PPFIA2: variants seen among roughly 807,000 people sequenced by gnomAD.
The protein encoded by PPFIA2 is liprin-alpha-2.
PPFIA2 carries 46 observed loss-of-function variants against 175.5 expected under a neutral mutation model. That is an observed-to-expected ratio of 0.26 (90% CI 0.21 to 0.34). The LOEUF (loss-of-function observed/expected upper bound fraction) is 0.34. Ranked by LOEUF, PPFIA2 falls within the 10% of genes least tolerant of loss-of-function variation. The pLI, the probability that PPFIA2 is intolerant of heterozygous loss-of-function variation, is 1.00. For synonymous variants in PPFIA2, 568 were observed against 511.4 expected, an observed-to-expected ratio of 1.11 and a Z score of -1.49; for missense variants, 1,179 against 1,506.1, an observed-to-expected ratio of 0.78 and a Z score of 3.60.
At chr12:81,675,180 T>C (rs576442590) in intron 4 of PPFIA2, among the ~76,000 whole-genome samples, 1 of 149,942 alleles carries the variant, frequency 6.7e-6, no homozygotes, top group Non-Finnish European at 1.5e-5. Context: ...CATATATAGA[T>C]TGATATACTA....
intron 4 of PPFIA2, among the ~76,000 whole-genome samples, chr12:81,539,413 G>A (rs2065883602): frequency 6.6e-6 from 1 of 151,894 alleles, no homozygotes; most frequent in Admixed American, 6.6e-5. Flanking sequence ...TAGGATGTCT[G>A]GAGAGGAAAA....
At chr12:81,261,813 C>A in intron 32 of PPFIA2, 136 bp downstream of exon 32, 2 of 575,812 alleles carry the variant, frequency 3.5e-6, no homozygotes, top group South Asian at 2.3e-5. Context: ...TTCTTTTTCC[C>A]CTGAAGCAAT....
At chr12:81,327,429 G>A (rs1367604873) in intron 21 of PPFIA2, among the ~76,000 whole-genome samples, 1 of 152,014 alleles carries the variant, frequency 6.6e-6, no homozygotes, top group Non-Finnish European at 1.5e-5. Context: ...TACAGTGAGT[G>A]CATATTTTCA....
At chr12:81,694,010 T>C (rs769194432) in intron 3 of PPFIA2, among the ~76,000 whole-genome samples, 2 of 152,034 alleles carry the variant, frequency 1.3e-5, no homozygotes, top group African/African-American at 2.4e-5. Flanking sequence ...TGGCTACTTT[T>C]AATAGCCTAT....
chr12:81,758,636 A>T (rs2085059593), intron 1 of PPFIA2, 129 bp from the exon 2 acceptor site: 1 of 338,666 alleles, frequency 3.0e-6, no homozygotes, highest in Non-Finnish European at 5.9e-6. Flanking sequence ...CCAAAAGGAG[A>T]AGCGTCCATC....
chr12:81,738,784 A>G (rs910632673), intron 3 of PPFIA2, among the ~76,000 whole-genome samples: 2 of 151,968 alleles, frequency 1.3e-5, no homozygotes, highest in African/African-American at 4.8e-5. Context: ...TAATTTAAAG[A>G]GAAAGATTAT....
chr12:81,604,305 C>T (rs955388070), intron 4 of PPFIA2, among the ~76,000 whole-genome samples: 1 of 151,542 alleles, frequency 6.6e-6, no homozygotes, highest in East Asian at 1.9e-4. Flanking sequence ...TAAGAGGTAA[C>T]TGTGCTAGGT....
At chr12:81,753,947 G>A in intron 3 of PPFIA2, 26 bp downstream of exon 3, 2 of 1,610,586 alleles carry the variant, frequency 1.2e-6, no homozygotes, top group Non-Finnish European at 1.7e-6. Flanking sequence ...TACAATAGGA[G>A]AAACAAAGGC....
intron 28 of PPFIA2, chr12:81,270,692 A>G (rs930782872): frequency 7.9e-5 from 12 of 152,300 alleles, no homozygotes; most frequent in Middle Eastern, 3.4e-3. Context: ...TGGAACTTCT[A>G]GTGTGTAAAA....
intron 4 of PPFIA2, among the ~76,000 whole-genome samples, chr12:81,534,802 C>A (rs958195163): frequency 6.6e-6 from 1 of 151,552 alleles, no homozygotes; most frequent in East Asian, 1.9e-4. Context: ...AGGAGGGAAG[C>A]AAGAAGATGA....
chr12:81,411,670 G>A (rs969935969), intron 7 of PPFIA2, among the ~76,000 whole-genome samples: 7 of 151,926 alleles, frequency 4.6e-5, no homozygotes, highest in African/African-American at 1.2e-4. Context: ...GTTTTTCTTT[G>A]ATATCCTGGA....
At chr12:81,556,432 T>C (rs73141629) in intron 4 of PPFIA2, among the ~76,000 whole-genome samples, 6 of 151,990 alleles carry the variant, frequency 3.9e-5, no homozygotes, top group Admixed American at 6.6e-5. Flanking sequence ...CTACAGAATG[T>C]CTTACCCTTT....
intron 4 of PPFIA2, among the ~76,000 whole-genome samples, chr12:81,468,839 T>C (rs1185155405): frequency 2.0e-5 from 3 of 150,986 alleles, no homozygotes; most frequent in Non-Finnish European, 4.4e-5. Context: ...GCTCAGAAAA[T>C]AGCACTTTGT....
intron 4 of PPFIA2, among the ~76,000 whole-genome samples, chr12:81,664,787 C>T (rs1288262675): frequency 1.3e-5 from 2 of 152,012 alleles, no homozygotes; most frequent in South Asian, 2.1e-4. Context: ...GGAACCAACC[C>T]GAATGTCCAA....
intron 3 of PPFIA2, among the ~76,000 whole-genome samples, chr12:81,696,995 TA>T (rs2075971884): frequency 6.6e-6 from 1 of 152,102 alleles, no homozygotes; most frequent in Admixed American, 6.6e-5. Context: ...ATATTAATCT[TA>T]AACTCAGGTT....
chr12:81,319,572 G>A (rs938497760), intron 22 of PPFIA2, among the ~76,000 whole-genome samples: 10 of 151,886 alleles, frequency 6.6e-5, no homozygotes, highest in East Asian at 5.8e-4. Context: ...ATTAGTTGCC[G>A]AGGAATTTTC....
At chr12:81,614,992 C>G (rs147937648) in intron 4 of PPFIA2, among the ~76,000 whole-genome samples, 1 of 152,112 alleles carries the variant, frequency 6.6e-6, no homozygotes, top group African/African-American at 2.4e-5. Context: ...AAAATTACAT[C>G]TTGGTACTGC....
Position 81,492,796 on chromosome 12 carries a change from G to A in PPFIA2, c.304-34930C>T, listed in dbSNP as rs575752262. On this transcript the variant is annotated intron_variant, in intron 4 of 32. Transcript: ENST00000549396. ...GACATGGTCAGATTTCTGTATAAATGTAATCCTTTCAGCTGCTATTTGAGG... is the reference window on the plus strand; with the variant it reads ...GACATGGTCAGATTTCTGTATAAATATAATCCTTTCAGCTGCTATTTGAGG... 5.3e-5 allele frequency among the ~76,000 whole-genome samples: 8 copies of A among 152,172 alleles called. No homozygotes were observed. The South Asian group carries it at 1.7e-3, about 32-fold the overall frequency.
intron 7 of PPFIA2, chr12:81,430,750 C>T (rs980431624): frequency 6.6e-6 from 1 of 152,066 alleles, no homozygotes; most frequent in Non-Finnish European, 1.5e-5. Context: ...TAGTTGTTAA[C>T]CTAACTCAAA....
Sources: gnomAD v4.1 joint callset for allele counts (sites outside exome capture counted in the v4.1 genomes callset) on GRCh38, gnomAD v4.1.1 for gene constraint, MANE v1.5 for transcripts, NCBI Gene and HGNC (gene_info 2026-07-23, HGNC 2026-07-21) for gene names.